PPARGC1A: variants seen among roughly 807,000 people sequenced by gnomAD.
The protein encoded by PPARGC1A is PPARG coactivator 1 alpha.
Under a neutral mutation model 88.7 loss-of-function variants are expected in PPARGC1A, and 25 were observed. That is an observed-to-expected ratio of 0.28 (90% CI 0.21 to 0.39). The LOEUF is 0.39. PPARGC1A is among the 10% of genes least tolerant of loss of function. The probability of loss-of-function intolerance (pLI) is 1.00; values close to 1 mark genes in which losing one functional copy is unlikely to be tolerated. For missense variants in PPARGC1A, 880 were observed against 968.7 expected, an observed-to-expected ratio of 0.91 and a Z score of 1.22; for synonymous variants, 363 against 355.6, an observed-to-expected ratio of 1.02 and a Z score of -0.24.
intron 2 of PPARGC1A, among the ~76,000 whole-genome samples, chr4:23,844,353 A>C (rs1458018070): frequency 7.2e-6 from 1 of 138,028 alleles, no homozygotes; most frequent in African/African-American, 2.7e-5. Flanking sequence ...ATTATAATAT[A>C]ATAATCTATA....
At chr4:23,897,334 T>G (rs115401490) in intron 1 of PPARGC1A, among the ~76,000 whole-genome samples, 1,983 of 152,282 alleles carry the variant, frequency 0.013, 26 homozygotes, top group Non-Finnish European at 0.021. Context: ...ACTTTGAGGA[T>G]CTTGATTCAG....
chr4:24,245,959 A>ACT, the PPARGC1A span, among the ~76,000 whole-genome samples: 1 of 149,648 alleles, frequency 6.7e-6, no homozygotes, highest in Non-Finnish European at 1.5e-5. Context: ...ACACACACAC[A>ACT]CTTATGCTTG....
At chr4:23,891,074 G>C (rs1054997693), upstream of PPARGC1A, among the ~76,000 whole-genome samples, 8 of 152,144 alleles carry the variant, frequency 5.3e-5, no homozygotes, top group African/African-American at 1.9e-4. Context: ...CAATTCCTGA[G>C]CTTTACTTTC....
the PPARGC1A span, among the ~76,000 whole-genome samples, chr4:24,051,177 G>A: frequency 8.3e-5 from 8 of 96,562 alleles, no homozygotes; most frequent in Admixed American, 1.5e-3. Flanking sequence ...GACAGAGCAT[G>A]ACTCTGTCTC....
the PPARGC1A span, among the ~76,000 whole-genome samples, chr4:24,396,201 C>T: frequency 6.6e-6 from 1 of 152,164 alleles, no homozygotes; most frequent in Non-Finnish European, 1.5e-5. Context: ...GTGCAGCCAA[C>T]CTGCTCCAGA....
At chr4:24,371,579 G>A in the PPARGC1A span, among the ~76,000 whole-genome samples, 2 of 152,066 alleles carry the variant, frequency 1.3e-5, no homozygotes, top group Non-Finnish European at 1.5e-5. Flanking sequence ...GAAAAGGTGG[G>A]GGTGAGGGGA....
the PPARGC1A span, among the ~76,000 whole-genome samples, chr4:24,109,121 C>G: frequency 4.7e-5 from 7 of 150,192 alleles, no homozygotes; most frequent in African/African-American, 1.5e-4. Context: ...TTTTTTTACC[C>G]TAGGCTGAAA....
the PPARGC1A span, among the ~76,000 whole-genome samples, chr4:24,467,006 G>T: frequency 1.6e-5 from 2 of 123,372 alleles, no homozygotes; most frequent in Non-Finnish European, 3.5e-5. Flanking sequence ...AGGAAGGAAG[G>T]GGAGAAAGAA....
the PPARGC1A span, among the ~76,000 whole-genome samples, chr4:24,093,320 T>C: frequency 6.6e-6 from 1 of 152,238 alleles, no homozygotes; most frequent in African/African-American, 2.4e-5. Context: ...ATTGTGACAC[T>C]TAAGTTTGTT....
At chr4:24,212,817 T>C in the PPARGC1A span, among the ~76,000 whole-genome samples, 14 of 152,222 alleles carry the variant, frequency 9.2e-5, no homozygotes, top group African/African-American at 3.1e-4. Context: ...TAGCCCATTC[T>C]TACCCAAGGA....
intron 7 of PPARGC1A, among the ~76,000 whole-genome samples, chr4:23,815,416 G>A (rs942402592): frequency 2.0e-5 from 3 of 152,038 alleles, no homozygotes; most frequent in Non-Finnish European, 4.4e-5. Flanking sequence ...AGTGCCAGCC[G>A]ACCATTTTAT....
the PPARGC1A span, among the ~76,000 whole-genome samples, chr4:24,017,919 C>T: frequency 2.0e-5 from 3 of 152,076 alleles, no homozygotes; most frequent in Non-Finnish European, 2.9e-5. Context: ...TGTGCTTTAG[C>T]CCTTTGGAGG....
the PPARGC1A span, among the ~76,000 whole-genome samples, chr4:23,921,791 C>T: frequency 6.6e-6 from 1 of 152,212 alleles, no homozygotes; most frequent in Non-Finnish European, 1.5e-5. Context: ...AGGCTCAATC[C>T]TAAAAGTTAA....
chr4:24,256,394 G>A, the PPARGC1A span, among the ~76,000 whole-genome samples: 6 of 152,132 alleles, frequency 3.9e-5, no homozygotes, highest in South Asian at 2.1e-4. Context: ...CCTCGCATTC[G>A]CAGACAAAAA....
the PPARGC1A span, among the ~76,000 whole-genome samples, chr4:24,229,419 G>C: frequency 1.3e-5 from 2 of 150,902 alleles, no homozygotes; most frequent in African/African-American, 4.9e-5. Context: ...AAAGTGCTGG[G>C]ATTATAGGCA....
At chr4:24,021,908 A>G in the PPARGC1A span, among the ~76,000 whole-genome samples, 1 of 152,328 alleles carries the variant, frequency 6.6e-6, no homozygotes, top group Non-Finnish European at 1.5e-5. Context: ...AATGGAGCAG[A>G]GAGGTCAGAG....
the PPARGC1A span, among the ~76,000 whole-genome samples, chr4:24,439,326 A>G: frequency 6.6e-6 from 1 of 152,212 alleles, no homozygotes; most frequent in Non-Finnish European, 1.5e-5. Flanking sequence ...GGGGCTTTGA[A>G]TGAGTTCAAA....
chr4:23,910,265 A>AAT, the PPARGC1A span, among the ~76,000 whole-genome samples: 2 of 102,604 alleles, frequency 1.9e-5, no homozygotes, highest in Non-Finnish European at 3.7e-5. Flanking sequence ...TATATATATT[A>AAT]ATATATATTA....
In PPARGC1A at chr4:23,802,244, T is replaced by C. The variant is rs1232445790; in HGVS notation, c.2121A>G (p.Thr707=). The C allele has an allele frequency of 6.2e-7, 1 of 1,614,110 alleles. No homozygotes were observed. Among genetic ancestry groups the C allele is most frequent in the South Asian group, 1.1e-5 (1 of 91,080 alleles). Residue 707 remains threonine, a synonymous_variant, in exon 11 of 13, where the codon ACA becomes ACG. Coordinates refer to ENST00000264867, the MANE Select transcript of PPARGC1A (RefSeq NM_013261.5). ...FEVFGEIEEC[T]VNLRDDGDSY... The stretch of plus-strand genomic sequence containing the variant: ...CTCACCCATCATCCCGCAGATTTAC[T>C]GTGCACTCCTCAATTTCACCAAAAA...
Sources: allele counts gnomAD v4.1 joint callset (sites outside exome capture counted in the v4.1 genomes callset), GRCh38; gene constraint gnomAD v4.1.1; transcripts MANE v1.5; gene names NCBI Gene and HGNC (gene_info 2026-07-23, HGNC 2026-07-21).